Variants in PLD3 observed in about 807,000 individuals in gnomAD.
The protein encoded by PLD3 is phospholipase D family member 3.
In PLD3, 31 loss-of-function variants were observed where a neutral mutation model predicts 58.4. That is an observed-to-expected ratio of 0.53 (90% confidence interval 0.40 to 0.72). PLD3 has a LOEUF of 0.72. Ranked by LOEUF, PLD3 falls within the 30% of genes least tolerant of loss-of-function variation. The pLI is 0.00. For missense variants in PLD3, 595 were observed against 659.8 expected, an observed-to-expected ratio of 0.90 and a Z score of 1.08; for synonymous variants, 264 against 273.4, an observed-to-expected ratio of 0.97 and a Z score of 0.34.
chr19:40,369,065 C>T (rs936814228), intron 6 of PLD3, among the ~76,000 whole-genome samples: 2 of 152,166 alleles, frequency 1.3e-5, no homozygotes, highest in Admixed American at 6.5e-5. Flanking sequence ...TTGGAGGCTG[C>T]AGTGAGCTGT....
At chr19:40,362,127 G>A (rs751444867) in intron 1 of PLD3, among the ~76,000 whole-genome samples, 18 of 152,298 alleles carry the variant, frequency 1.2e-4, no homozygotes, top group East Asian at 9.6e-4. Context: ...GTGAGACACC[G>A]CGCCTGGCCT....
intron 8 of PLD3, 178 bp from the exon 9 acceptor site, chr19:40,371,495 G>C: frequency 1.7e-6 from 1 of 591,984 alleles, no homozygotes; most frequent in East Asian, 2.8e-5. Flanking sequence ...TGGAGCTTTG[G>C]AATAACTGAT....
intron 1 of PLD3, among the ~76,000 whole-genome samples, chr19:40,363,990 A>G (rs1201854468): frequency 2.0e-5 from 3 of 152,100 alleles, no homozygotes; most frequent in Admixed American, 1.3e-4. Flanking sequence ...TGTTTGCTTT[A>G]TAATTATTTC....
At chr19:40,373,866 G>A (rs2079126679) in intron 9 of PLD3, among the ~76,000 whole-genome samples, 1 of 151,968 alleles carries the variant, frequency 6.6e-6, no homozygotes, top group Non-Finnish European at 1.5e-5. Context: ...ATGTACGCCT[G>A]TAGTCCCAGC....
chr19:40,375,072 C>G (rs2079160316), intron 10 of PLD3, among the ~76,000 whole-genome samples: 1 of 151,918 alleles, frequency 6.6e-6, no homozygotes, highest in Non-Finnish European at 1.5e-5. Context: ...AGGAGAATTG[C>G]TTGAACCTGG....
chr19:40,369,749 G>C, intron 6 of PLD3, 159 bp from the exon 7 acceptor site: 1 of 651,544 alleles, frequency 1.5e-6, no homozygotes, highest in Non-Finnish European at 2.5e-6. Context: ...AGATAAGGAA[G>C]TCTTTTAATA....
chr19:40,371,597 G>A (rs1357424961), intron 8 of PLD3, 76 bp from the exon 9 acceptor site: 3 of 958,202 alleles, frequency 3.1e-6, no homozygotes, highest in Non-Finnish European at 4.9e-6. Context: ...GAAAGACAGA[G>A]ACCAGACTGG....
chr19:40,367,310 G>A, intron 5 of PLD3: 1 of 257,162 alleles, frequency 3.9e-6, no homozygotes, highest in Non-Finnish European at 7.4e-6. Context: ...GCTGGGCTTG[G>A]TGGCTCACGC....
chr19:40,370,397 GCACGGTGGCT>G, intron 8 of PLD3, 160 bp downstream of exon 8: 2 of 742,292 alleles, frequency 2.7e-6, no homozygotes, highest in East Asian at 5.5e-5. Context: ...TCCAAGCCAT[GCACGGTGGCT>G]CACACCTATA....
chr19:40,370,073 C>A (rs770527017), intron 7 of PLD3, 37 bp from the exon 8 acceptor site: 46 of 1,583,988 alleles, frequency 2.9e-5, no homozygotes, highest in Non-Finnish European at 3.8e-5. Flanking sequence ...TGGGGGTACC[C>A]AGCCTGGCCC....
rs750269510 is a variant in PLD3, at chr19:40,351,492, C to T, written c.-279+2724C>T. Reference sequence around the variant, plus strand: ...CCAGGGAGGCGGAGGTTGCAGTGAACTGAGATTGCGCCATTGCACTCCAGC... The same window carrying T: ...CCAGGGAGGCGGAGGTTGCAGTGAATTGAGATTGCGCCATTGCACTCCAGC... On this transcript the variant is annotated intron_variant, in intron 1 of 12. Transcript: ENST00000409735. 6.4e-4 allele frequency among the ~76,000 whole-genome samples: 98 copies of T among 152,160 alleles called. 1 individual carries two copies. The highest frequency in any genetic ancestry group is 1.3e-3 in the Non-Finnish European group (90 of 68,018).
At position 40,378,338 on chromosome 19, in the gene PLD3, G is replaced by C. The variant is rs748498735; in HGVS notation, c.*165G>C. On this transcript the variant is annotated 3_prime_UTR_variant, in exon 13 of 13. Coordinates refer to ENST00000409735, the MANE Select transcript of PLD3 (RefSeq NM_012268.4). ...CTACCTCCACCCCCACCGGCCTGAC[G>C]CTGTGGCCCCGGGACCCAGCAGAGC... 1 of 741,660 alleles carries C rather than the reference G, an allele frequency of 1.3e-6. No individual in the cohort carries two copies. Among genetic ancestry groups the C allele is most frequent in the Non-Finnish European group, 2.4e-6 (1 of 419,614 alleles). The allele number at this position is 741,660 out of a possible 1,614,324, so 45.9% of individuals were successfully genotyped here.
intron 6 of PLD3, among the ~76,000 whole-genome samples, chr19:40,369,491 C>G (rs900737819): frequency 1.3e-5 from 2 of 152,236 alleles, no homozygotes; most frequent in African/African-American, 4.8e-5. Context: ...AGGCCTAGAA[C>G]AGGGCCTGGC....
chr19:40,351,501 C>T (rs1187429606), intron 1 of PLD3, among the ~76,000 whole-genome samples: 1 of 150,340 alleles, frequency 6.7e-6, no homozygotes, highest in Admixed American at 6.6e-5. Context: ...ACTGAGATTG[C>T]GCCATTGCAC....
intron 9 of PLD3, 26 bp from the exon 10 acceptor site, chr19:40,374,455 T>A: frequency 6.2e-7 from 1 of 1,611,768 alleles, no homozygotes; most frequent in South Asian, 1.1e-5. Flanking sequence ...GCAGGGCACA[T>A]GTCTTAACTG....
At chr19:40,367,013 G>A (rs573534422) in intron 5 of PLD3, 98 bp downstream of exon 5, 18 of 1,383,048 alleles carry the variant, frequency 1.3e-5, no homozygotes, top group East Asian at 7.3e-5. Context: ...CCTACCCAGC[G>A]CTTGCGACAA....
chr19:40,366,558 G>A (rs779242756), intron 3 of PLD3, 48 bp downstream of exon 3: 13 of 1,593,514 alleles, frequency 8.2e-6, no homozygotes, highest in Admixed American at 1.7e-5. Flanking sequence ...TACAGTGGGG[G>A]TGGGGGTTCC....
Position 40,355,612 on chromosome 19 carries a change from C to CTTT in PLD3, c.-279+6867_-279+6869dup, listed in dbSNP as rs60422933. Among the ~76,000 whole-genome samples, 23 of 81,086 alleles carry CTTT rather than the reference C, an allele frequency of 2.8e-4. 1 individual carries two copies. The highest frequency in any genetic ancestry group is 4.1e-4 in the African/African-American group (9 of 22,066). The allele number at this position is 81,086 out of a possible 152,430, so 53.2% of individuals were successfully genotyped here. A position where few individuals can be genotyped will look rare whatever the true frequency, so the allele number is the denominator to read the frequency against. On this transcript the variant is annotated intron_variant, in intron 1 of 12. Coordinates refer to ENST00000409735, the MANE Select transcript of PLD3 (RefSeq NM_012268.4). The stretch of plus-strand genomic sequence containing the variant: ...CAGGTGTGAGCCACCGTGCCGGCTC[C>CTTT]TTTTTTTTTTTTTTTTTTTTTTTTT...
intron 9 of PLD3, among the ~76,000 whole-genome samples, chr19:40,374,196 C>T (rs1049826150): frequency 1.1e-4 from 16 of 152,096 alleles, no homozygotes; most frequent in African/African-American, 3.6e-4. Context: ...AGGGACCTTA[C>T]GTTGAGAAGC....
Sources: allele counts gnomAD v4.1 joint callset (sites outside exome capture counted in the v4.1 genomes callset), GRCh38; gene constraint gnomAD v4.1.1; transcripts MANE v1.5; gene names NCBI Gene and HGNC (gene_info 2026-07-23, HGNC 2026-07-21).